Variants in DZIP3 observed in about 807,000 individuals in gnomAD.
The protein encoded by DZIP3 is E3 ubiquitin-protein ligase DZIP3.
A neutral mutation model predicts 162.0 loss-of-function variants in DZIP3; 118 were observed. The ratio of observed to expected loss-of-function variants is 0.73; its 90% CI spans 0.63 to 0.85. DZIP3 has a LOEUF of 0.85. DZIP3 is among the 40% of genes least tolerant of loss of function. DZIP3 has a pLI of 0.00. For missense variants in DZIP3, 1,331 were observed against 1,407.0 expected, an observed-to-expected ratio of 0.95 and a Z score of 0.86; for synonymous variants, 438 against 458.6, an observed-to-expected ratio of 0.96 and a Z score of 0.57.
intron 19 of DZIP3, 100 bp from the exon 20 acceptor site, chr3:108,661,777 A>G (rs1943447320): frequency 2.4e-6 from 2 of 845,736 alleles, no homozygotes; most frequent in Non-Finnish European, 3.7e-6. Context: ...CTTGAGACAA[A>G]AAACGTGAAA....
Position 108,688,942 on chromosome 3 carries a change from C to T in DZIP3, c.3516+18C>T, listed in dbSNP as rs1405656550. ...ATGCTCAGGTAACACTTTAAATTTT[C>T]CCATTAATCAGCTAAATGAGATTCA... On this transcript the variant is annotated intron_variant, in intron 31 of 32. Transcript: ENST00000361582. 1.9e-6 allele frequency: 3 copies of T among 1,607,748 alleles called. No homozygotes were observed. The highest frequency in any genetic ancestry group is 1.1e-5 in the South Asian group (1 of 90,862).
intron 6 of DZIP3, 68 bp from the exon 7 acceptor site, chr3:108,625,777 A>T: frequency 7.1e-7 from 1 of 1,416,946 alleles, no homozygotes. Context: ...TTTGAGAAGT[A>T]ATTGTTTATT....
rs1037019148 is a variant in DZIP3 at position 108,694,052 on chromosome 3, C to A, written c.*699C>A. 2.2e-4 allele frequency: 33 copies of A among 152,142 alleles called. No homozygotes were observed. Among genetic ancestry groups the A allele is most frequent in the African/African-American group, 7.7e-4 (32 of 41,432 alleles). 9.4% of individuals were successfully genotyped at this position (152,142 alleles called of 1,614,324 possible). A position where few individuals can be genotyped will look rare whatever the true frequency, so the allele number is the denominator to read the frequency against. ...AGAGTTACCTTGTGAGATAAATGTT[C>A]TTTGCTTCATATTCACAGTTTCACC... is the stretch of plus-strand genomic sequence containing the variant. On this transcript the variant is annotated 3_prime_UTR_variant, in exon 33 of 33. Coordinates refer to ENST00000361582, the MANE Select transcript of DZIP3 (RefSeq NM_014648.4).
intron 18 of DZIP3, among the ~76,000 whole-genome samples, chr3:108,651,571 G>A (rs976475873): frequency 7.3e-5 from 11 of 151,608 alleles, no homozygotes; most frequent in African/African-American, 2.7e-4. Context: ...GCCTAGGTGT[G>A]TAGTAGGCTA....
rs370962071 is a variant in DZIP3 at position 108,642,533 on chromosome 3, A to G, written c.1141+19A>G. 8 of 1,435,312 alleles carry G rather than the reference A, an allele frequency of 5.6e-6. No homozygotes were observed. The Admixed American group carries it at 1.0e-4, about 18-fold the overall frequency. 88.9% of individuals were successfully genotyped at this position (1,435,312 alleles called of 1,614,324 possible). A position where few individuals can be genotyped will look rare whatever the true frequency, so the allele number is the denominator to read the frequency against. Reference sequence around the variant, plus strand: ...ACAAAAGGTATTATTTTATTTTTATATGCCTTCTGTTGAAAAGTATGTTAA... The same window carrying G: ...ACAAAAGGTATTATTTTATTTTTATGTGCCTTCTGTTGAAAAGTATGTTAA... On this transcript the variant is annotated intron_variant, in intron 13 of 32. Transcript: ENST00000361582.
chr3:108,675,711 C>T (rs964876361), intron 24 of DZIP3, 75 bp from the exon 25 acceptor site: 21 of 1,292,804 alleles, frequency 1.6e-5, no homozygotes, highest in Non-Finnish European at 2.2e-5. Context: ...TGCTAGAAAG[C>T]GTGATAGACA....
chr3:108,647,978 G>T lies in DZIP3; in HGVS notation c.1828G>T (p.Glu610Ter). ...AGAAGAGTTACAGAATGAGGAAGAA[G>T]AACTAAGTCCACCTCTCATGGAGTA... ...EIEELQNEEE[E>*]LSPPLMEYNI... Residue 610 changes from glutamate to a stop codon, truncating the protein, a stop_gained, in exon 16 of 33, where the codon GAA (glutamate) becomes TAA (stop). Transcript: ENST00000361582. LOFTEE classifies it high-confidence loss of function. 1 of 1,586,168 alleles carries T rather than the reference G, an allele frequency of 6.3e-7. No homozygotes were observed. The highest frequency in any genetic ancestry group is 8.5e-7 in the Non-Finnish European group (1 of 1,170,394).
chr3:108,617,346 T>G (rs894848576), intron 5 of DZIP3, among the ~76,000 whole-genome samples: 3 of 152,222 alleles, frequency 2.0e-5, no homozygotes, highest in Non-Finnish European at 4.4e-5. Context: ...TATACATATT[T>G]TATAATGTCG....
intron 27 of DZIP3, among the ~76,000 whole-genome samples, chr3:108,684,707 T>C (rs530554200): frequency 6.8e-4 from 104 of 152,228 alleles, no homozygotes; most frequent in African/African-American, 2.5e-3. Flanking sequence ...CAAACTATAT[T>C]ATGGCACAAA....
chr3:108,655,129 A>C (rs777840178), intron 19 of DZIP3, among the ~76,000 whole-genome samples: 1 of 152,180 alleles, frequency 6.6e-6, no homozygotes, highest in South Asian at 2.1e-4. Context: ...TTCTATAGCC[A>C]TGAGACTATG....
At chr3:108,634,113 A>G (rs896864072) in intron 9 of DZIP3, among the ~76,000 whole-genome samples, 1 of 152,120 alleles carries the variant, frequency 6.6e-6, no homozygotes, top group Non-Finnish European at 1.5e-5. Context: ...TGTACAGCCA[A>G]TCCGATAGGT....
chr3:108,605,531 T>TG, intron 2 of DZIP3, 93 bp downstream of exon 2: 1 of 1,352,382 alleles, frequency 7.4e-7, no homozygotes, highest in Non-Finnish European at 1.0e-6. Context: ...GGAATGGTTT[T>TG]GGGGTGAAAC....
intron 5 of DZIP3, among the ~76,000 whole-genome samples, chr3:108,621,254 G>A (rs1482636012): frequency 6.6e-6 from 1 of 152,094 alleles, no homozygotes; most frequent in Non-Finnish European, 1.5e-5. Context: ...AAGGTTTAAT[G>A]TAACAAATTT....
intron 4 of DZIP3, among the ~76,000 whole-genome samples, chr3:108,613,579 T>C (rs1335125395): frequency 6.6e-6 from 1 of 152,158 alleles, no homozygotes; most frequent in African/African-American, 2.4e-5. Flanking sequence ...TTTAACATAC[T>C]TCTCTTATAA....
intron 7 of DZIP3, 80 bp from the exon 8 acceptor site, chr3:108,628,982 G>T: frequency 1.2e-6 from 1 of 818,604 alleles, no homozygotes; most frequent in Admixed American, 2.9e-5. Context: ...CACAAAAAAA[G>T]GGTTATTTGT....
At chr3:108,688,463 C>G in intron 29 of DZIP3, 130 bp from the exon 30 acceptor site, 1 of 1,068,818 alleles carries the variant, frequency 9.4e-7, no homozygotes. Flanking sequence ...CCATTTTGTT[C>G]AAGATTTCTC....
chr3:108,616,776 C>T (rs1274172596), intron 5 of DZIP3, 119 bp downstream of exon 5: 6 of 679,396 alleles, frequency 8.8e-6, no homozygotes, highest in South Asian at 5.7e-5. Flanking sequence ...TTTCTTTTAC[C>T]TCTAGAAAAG....
chr3:108,599,131 A>G (rs973911920), intron 1 of DZIP3, among the ~76,000 whole-genome samples: 3 of 152,230 alleles, frequency 2.0e-5, no homozygotes, highest in Non-Finnish European at 4.4e-5. Context: ...GGTGATGAGT[A>G]TACATTATAA....
intron 19 of DZIP3, among the ~76,000 whole-genome samples, chr3:108,655,769 G>A (rs1416923632): frequency 1.3e-5 from 2 of 152,118 alleles, no homozygotes. Flanking sequence ...GTGACAGATG[G>A]CACCTGGAAA....
Sources: gnomAD v4.1 joint callset for allele counts (sites outside exome capture counted in the v4.1 genomes callset) on GRCh38, gnomAD v4.1.1 for gene constraint, MANE v1.5 for transcripts, NCBI Gene and HGNC (gene_info 2026-07-23, HGNC 2026-07-21) for gene names.